Variants in CACNB2 observed in about 807,000 individuals in gnomAD.
CACNB2 encodes voltage-dependent L-type calcium channel subunit beta-2.
CACNB2 carries 42 observed loss-of-function variants against 73.3 expected under a neutral mutation model. That is an observed-to-expected ratio of 0.57 (90% CI 0.45 to 0.74). The LOEUF (loss-of-function observed/expected upper bound fraction) is 0.74. CACNB2 is among the 30% of genes least tolerant of loss of function. CACNB2 has a pLI of 0.00. For synonymous variants in CACNB2, 348 were observed against 310.3 expected, an observed-to-expected ratio of 1.12 and a Z score of -1.28; for missense variants, 940 against 853.0, an observed-to-expected ratio of 1.10 and a Z score of -1.27.
chr10:18,330,857 T>C (rs1312627332), intron 2 of CACNB2, among the ~76,000 whole-genome samples: 1 of 151,098 alleles, frequency 6.6e-6, no homozygotes, highest in African/African-American at 2.4e-5. Context: ...TTAGTGGTGA[T>C]GGGGTTTCAT....
intron 2 of CACNB2, among the ~76,000 whole-genome samples, chr10:18,304,643 A>G (rs1400056908): frequency 6.6e-6 from 1 of 152,194 alleles, no homozygotes; most frequent in Admixed American, 6.5e-5. Flanking sequence ...GGCAGCGAAC[A>G]CAACCTTGAC....
chr10:18,311,867 C>G (rs1190528216), intron 2 of CACNB2, among the ~76,000 whole-genome samples: 1 of 152,086 alleles, frequency 6.6e-6, no homozygotes, highest in African/African-American at 2.4e-5. Context: ...TGGTAGGGAC[C>G]CCTACAGTCA....
intron 2 of CACNB2, among the ~76,000 whole-genome samples, chr10:18,300,782 G>C (rs776068507): frequency 7.9e-5 from 12 of 152,176 alleles, no homozygotes; most frequent in Non-Finnish European, 1.6e-4. Flanking sequence ...CCGGGAGGCA[G>C]AGATTGCAGT....
At chr10:18,240,999 C>G (rs2036628122) in intron 2 of CACNB2, among the ~76,000 whole-genome samples, 1 of 152,196 alleles carries the variant, frequency 6.6e-6, no homozygotes, top group Admixed American at 6.5e-5. Flanking sequence ...GCCTCCTGTT[C>G]TGTTCACGGT....
intron 2 of CACNB2, among the ~76,000 whole-genome samples, chr10:18,259,529 A>C (rs2037430069): frequency 7.1e-6 from 1 of 141,604 alleles, no homozygotes; most frequent in African/African-American, 2.7e-5. Flanking sequence ...ACATGGTGAA[A>C]CTCCATCTCT....
rs189986645 is a variant in CACNB2, at chr10:18,332,187, G to A, written c.214-69737G>A. ...CAGCAGGGTGATACAAGCTGTCTGT[G>A]CCTTATAAAGACCTCTTTGGCTGCT... On this transcript the variant is annotated intron_variant, in intron 2 of 13. Coordinates refer to ENST00000324631, the MANE Select transcript of CACNB2 (RefSeq NM_201596.3). Among the ~76,000 whole-genome samples the A allele has an allele frequency of 3.6e-3, 551 of 152,308 alleles. 3 individuals are homozygous for A. The highest frequency in any genetic ancestry group is 4.2e-3 in the Non-Finnish European group (287 of 68,034).
At chr10:18,243,791 C>A (rs1396620527) in intron 2 of CACNB2, among the ~76,000 whole-genome samples, 2 of 152,160 alleles carry the variant, frequency 1.3e-5, no homozygotes, top group Non-Finnish European at 2.9e-5. Flanking sequence ...GAGGCCCTCA[C>A]CAGATACAGC....
intron 2 of CACNB2, among the ~76,000 whole-genome samples, chr10:18,173,340 T>A (rs1311052950): frequency 6.6e-6 from 1 of 152,242 alleles, no homozygotes; most frequent in Non-Finnish European, 1.5e-5. Context: ...TGTCTTAACT[T>A]GTCATAATTG....
At chr10:18,197,241 G>T (rs1177138266) in intron 2 of CACNB2, among the ~76,000 whole-genome samples, 2 of 152,190 alleles carry the variant, frequency 1.3e-5, no homozygotes, top group Admixed American at 1.3e-4. Flanking sequence ...CTCAGTAAAT[G>T]CTTCCTGAAT....
At position 18,274,878 on chromosome 10, in the gene CACNB2, A is replaced by AT. The variant is rs910938038; in HGVS notation, c.213+123910dup. ...CTGGAGGGTCCTTTTCTGATTTTTC[A>AT]TTTTTTTCTTCTCTGTATGATTTCT... is the stretch of plus-strand genomic sequence containing the variant. On this transcript the variant is annotated intron_variant, in intron 2 of 13. Coordinates refer to ENST00000324631, the MANE Select transcript of CACNB2 (RefSeq NM_201596.3). Among the ~76,000 whole-genome samples the AT allele has an allele frequency of 3.9e-5, 6 of 151,928 alleles. No individual in the cohort carries two copies. In the South Asian group the frequency reaches 6.2e-4, roughly 16 times the overall value.
intron 2 of CACNB2, among the ~76,000 whole-genome samples, chr10:18,295,578 G>T (rs1490382023): frequency 6.6e-6 from 1 of 152,118 alleles, no homozygotes; most frequent in Non-Finnish European, 1.5e-5. Context: ...TTCATTGGTT[G>T]TTCTTAATGT....
At chr10:18,527,793 AGTATAGAAAAAACAG>A in intron 10 of CACNB2, 96 bp downstream of exon 10, 4 of 833,000 alleles carry the variant, frequency 4.8e-6, no homozygotes, top group Non-Finnish European at 8.1e-6. Context: ...TGTGTCACAG[AGTATAGAAAAAACAG>A]GTGTGTGCTG....
intron 2 of CACNB2, among the ~76,000 whole-genome samples, chr10:18,268,707 A>G (rs1365104841): frequency 6.6e-6 from 1 of 152,196 alleles, no homozygotes; most frequent in Non-Finnish European, 1.5e-5. Context: ...GTATGTTTTA[A>G]TTTAATAATA....
intron 2 of CACNB2, among the ~76,000 whole-genome samples, chr10:18,249,192 A>G (rs1241507203): frequency 1.3e-5 from 2 of 152,072 alleles, no homozygotes; most frequent in East Asian, 3.9e-4. Flanking sequence ...AAATCCACCC[A>G]CTGGTACCCA....
chr10:18,362,579 G>A (rs1227777816), intron 2 of CACNB2, among the ~76,000 whole-genome samples: 1 of 152,174 alleles, frequency 6.6e-6, no homozygotes, highest in Non-Finnish European at 1.5e-5. Flanking sequence ...ATGATAACCT[G>A]CGAAGTGGGT....
chr10:18,246,456 G>T (rs2036863765), intron 2 of CACNB2, among the ~76,000 whole-genome samples: 1 of 152,074 alleles, frequency 6.6e-6, no homozygotes, highest in South Asian at 2.1e-4. Flanking sequence ...TTACATAAAT[G>T]AGGTAAAGAT....
intron 2 of CACNB2, among the ~76,000 whole-genome samples, chr10:18,387,761 T>TTC (rs1650626546): frequency 7.3e-6 from 1 of 137,636 alleles, no homozygotes; most frequent in African/African-American, 2.8e-5. Context: ...TCTTTCTCTC[T>TTC]TTTTTTTTTT....
intron 2 of CACNB2, among the ~76,000 whole-genome samples, chr10:18,380,999 C>A (rs1188912033): frequency 6.6e-6 from 1 of 151,678 alleles, no homozygotes; most frequent in Non-Finnish European, 1.5e-5. Context: ...TGGTGGGCTG[C>A]CTTGCTTTGA....
intron 3 of CACNB2, among the ~76,000 whole-genome samples, chr10:18,450,795 G>A (rs1018954503): frequency 1.3e-5 from 2 of 151,780 alleles, no homozygotes; most frequent in Non-Finnish European, 2.9e-5. Flanking sequence ...GCTAATTTTT[G>A]TTGCTGTTGT....
Sources: allele counts gnomAD v4.1 joint callset (sites outside exome capture counted in the v4.1 genomes callset), GRCh38; gene constraint gnomAD v4.1.1; transcripts MANE v1.5; gene names NCBI Gene and HGNC (gene_info 2026-07-23, HGNC 2026-07-21).